The following TAF12 variants were observed in gnomAD, a reference collection of about 807,000 sequenced individuals.
TAF12 encodes transcription initiation factor TFIID subunit 12.
Under a neutral mutation model 20.8 loss-of-function variants are expected in TAF12, and 3 were observed. The observed-to-expected ratio is 0.14, with a 90% CI of 0.07 to 0.37. The LOEUF (loss-of-function observed/expected upper bound fraction) is 0.37, where lower values mean the gene tolerates loss of function less well. TAF12 is among the 10% of genes least tolerant of loss of function. The pLI is 1.00. For synonymous variants in TAF12, 69 were observed against 70.2 expected (o/e 0.98, Z 0.09); for missense variants, 131 against 197.9 (o/e 0.66, Z 2.03).
intron 1 of TAF12, chr1:28,642,604 T>C (rs1037469399): frequency 1.4e-5 from 14 of 975,896 alleles, no homozygotes; most frequent in Non-Finnish European, 1.6e-5. Context: ...GGGTCTTCAC[T>C]GTCCCGCTTC....
intron 1 of TAF12, among the ~76,000 whole-genome samples, chr1:28,639,024 C>A (rs1667941216): frequency 6.6e-6 from 1 of 151,578 alleles, no homozygotes; most frequent in Non-Finnish European, 1.5e-5. Context: ...ATCCGCCCAC[C>A]TCGGCCTCCC....
At chr1:28,617,736 C>T (rs1667089509) in intron 3 of TAF12, among the ~76,000 whole-genome samples, 1 of 151,980 alleles carries the variant, frequency 6.6e-6, no homozygotes, top group Non-Finnish European at 1.5e-5. Context: ...CAGGAGTGAG[C>T]CACCACACCT....
intron 4 of TAF12, among the ~76,000 whole-genome samples, chr1:28,606,160 G>A (rs1382019330): frequency 3.3e-5 from 5 of 152,004 alleles, no homozygotes; most frequent in Non-Finnish European, 7.4e-5. Flanking sequence ...CACTGCATCT[G>A]GCTAATTTTT....
At chr1:28,643,301 C>T (rs960739935), upstream of TAF12, 1 of 164,584 alleles carries the variant, frequency 6.1e-6, no homozygotes, top group African/African-American at 2.4e-5. Context: ...GTTAAGAATC[C>T]TTCACTAGCT....
intron 4 of TAF12, among the ~76,000 whole-genome samples, chr1:28,611,792 T>C (rs1412619262): frequency 6.6e-6 from 1 of 152,138 alleles, no homozygotes; most frequent in East Asian, 1.9e-4. Context: ...AAGTTTATGG[T>C]ATTTTGTTAA....
upstream of TAF12, among the ~76,000 whole-genome samples, chr1:28,647,215 GT>G (rs967993940): frequency 1.3e-5 from 2 of 152,138 alleles, no homozygotes; most frequent in African/African-American, 4.8e-5. Flanking sequence ...ACTGTTCACA[GT>G]TTGGAGGAAG....
At chr1:28,618,068 T>A in intron 2 of TAF12, 38 bp from the exon 3 acceptor site, 1 of 1,570,492 alleles carries the variant, frequency 6.4e-7, no homozygotes, top group Non-Finnish European at 8.7e-7. Flanking sequence ...AACCAGATAT[T>A]AAGGAAATGA....
At chr1:28,611,632 G>C (rs1666863410) in intron 4 of TAF12, among the ~76,000 whole-genome samples, 1 of 152,138 alleles carries the variant, frequency 6.6e-6, no homozygotes, top group Admixed American at 6.6e-5. Context: ...AGAACACCAA[G>C]GATTGCCAGC....
intron 1 of TAF12, among the ~76,000 whole-genome samples, chr1:28,627,294 A>G (rs562735940): frequency 1.8e-4 from 27 of 151,704 alleles, no homozygotes; most frequent in African/African-American, 6.3e-4. Flanking sequence ...AGGCTGACAC[A>G]CAAGAATCAC....
chr1:28,628,052 A>C (rs550192331), intron 1 of TAF12, among the ~76,000 whole-genome samples: 2 of 152,206 alleles, frequency 1.3e-5, no homozygotes, highest in South Asian at 4.1e-4. Context: ...TGTAAATTAT[A>C]CTACAACTAA....
At chr1:28,632,740 T>C (rs753386159) in intron 1 of TAF12, among the ~76,000 whole-genome samples, 10 of 152,156 alleles carry the variant, frequency 6.6e-5, no homozygotes, top group Non-Finnish European at 1.3e-4. Flanking sequence ...TGATTAAATC[T>C]GTGGAGGTGG....
intron 1 of TAF12, among the ~76,000 whole-genome samples, chr1:28,633,134 T>C (rs1287657380): frequency 8.6e-5 from 13 of 151,190 alleles, no homozygotes; most frequent in African/African-American, 3.2e-4. Flanking sequence ...GTGCTGGGAT[T>C]ACAGGGCATG....
chr1:28,607,626 G>A (rs764990431), intron 4 of TAF12, among the ~76,000 whole-genome samples: 11 of 151,866 alleles, frequency 7.2e-5, no homozygotes, highest in Non-Finnish European at 1.0e-4. Context: ...GAGCTGAGAC[G>A]GCACCACTGC....
At chr1:28,628,112 A>G (rs1667480758) in intron 1 of TAF12, among the ~76,000 whole-genome samples, 2 of 151,670 alleles carry the variant, frequency 1.3e-5, no homozygotes, top group African/African-American at 2.4e-5. Flanking sequence ...ACACTGTACT[A>G]CTAGATATTT....
Position 28,613,262 on chromosome 1 carries a change from C to T in TAF12, c.346G>A (p.Val116Ile). The T allele has an allele frequency of 6.2e-7, 1 of 1,609,630 alleles. No individual in the cohort carries two copies. Among genetic ancestry groups the T allele is most frequent in the Non-Finnish European group, 8.5e-7 (1 of 1,178,102 alleles). ...RKSSTLEVKDVQLHLERQWNM... is the reference protein window; with the variant it reads ...RKSSTLEVKDIQLHLERQWNM... ...GACCACATACCTAAATGCAGCTGGACATCTTTCACCTCCAGGGTGCTAGAC... is the reference window on the plus strand; with the variant it reads ...GACCACATACCTAAATGCAGCTGGATATCTTTCACCTCCAGGGTGCTAGAC... Residue 116 changes from valine (V) to isoleucine (I), a missense_variant, in exon 4 of 6, where the codon GTC becomes ATC. Transcript: ENST00000373824.
intron 1 of TAF12, among the ~76,000 whole-genome samples, chr1:28,624,746 C>CAA (rs34670084): frequency 1.4e-5 from 2 of 147,836 alleles, no homozygotes; most frequent in Non-Finnish European, 3.0e-5. Flanking sequence ...GACTCTGTCT[C>CAA]AAAAAAAAAT....
At chr1:28,641,073 C>A (rs1315372551) in intron 1 of TAF12, among the ~76,000 whole-genome samples, 1 of 151,718 alleles carries the variant, frequency 6.6e-6, no homozygotes, top group Non-Finnish European at 1.5e-5. Context: ...GTCTCAAAAA[C>A]ACAAAAATAA....
At chr1:28,614,904 A>G (rs1666979513) in intron 3 of TAF12, among the ~76,000 whole-genome samples, 1 of 152,062 alleles carries the variant, frequency 6.6e-6, no homozygotes, top group African/African-American at 2.4e-5. Context: ...CTGGAGTTCG[A>G]GACTAGCCTG....
At chr1:28,608,131 A>T (rs1162271228) in intron 4 of TAF12, among the ~76,000 whole-genome samples, 1 of 148,046 alleles carries the variant, frequency 6.8e-6, no homozygotes, top group East Asian at 2.0e-4. Context: ...GGAGATCAAG[A>T]CCATCCTGGC....
Sources: gnomAD v4.1 joint callset for allele counts (sites outside exome capture counted in the v4.1 genomes callset) on GRCh38, gnomAD v4.1.1 for gene constraint, MANE v1.5 for transcripts, NCBI Gene and HGNC (gene_info 2026-07-23, HGNC 2026-07-21) for gene names.